Variants in CIB4 observed in about 807,000 individuals in gnomAD.
The protein encoded by CIB4 is calcium and integrin-binding family member 4.
A neutral mutation model predicts 25.8 loss-of-function variants in CIB4; 25 were observed. The ratio of observed to expected loss-of-function variants is 0.97; its 90% confidence interval spans 0.71 to 1.35. CIB4 has a LOEUF of 1.35. CIB4 is among the 40% of genes most tolerant of loss of function. The pLI is 0.00. For missense variants in CIB4, 235 were observed against 228.2 expected, an observed-to-expected ratio of 1.03 and a Z score of -0.19; for synonymous variants, 75 against 81.4, an observed-to-expected ratio of 0.92 and a Z score of 0.42.
chr2:26,595,151 C>A, intron 4 of CIB4, 25 bp downstream of exon 4: 2 of 1,593,678 alleles, frequency 1.3e-6, no homozygotes, highest in East Asian at 2.3e-5. Context: ...CCACCCCTCA[C>A]CCCTCAGTCC....
intron 6 of CIB4, among the ~76,000 whole-genome samples, chr2:26,582,045 G>A (rs1668355762): frequency 6.6e-6 from 1 of 152,262 alleles, no homozygotes; most frequent in South Asian, 2.1e-4. Context: ...AGGGGCGATG[G>A]GAGGCAGAGA....
chr2:26,623,339 T>A (rs1669240122), intron 3 of CIB4: 1 of 197,922 alleles, frequency 5.1e-6, no homozygotes, highest in Non-Finnish European at 1.1e-5. Flanking sequence ...TGAGACCCTG[T>A]CTCAAAATAA....
chr2:26,639,949 C>A (rs1669604131), intron 2 of CIB4, among the ~76,000 whole-genome samples: 1 of 152,194 alleles, frequency 6.6e-6, no homozygotes, highest in South Asian at 2.1e-4. Flanking sequence ...TCCCCCACAG[C>A]CCCACGAGAA....
At chr2:26,592,933 C>T (rs373692126) in intron 4 of CIB4, among the ~76,000 whole-genome samples, 37 of 152,234 alleles carry the variant, frequency 2.4e-4, no homozygotes, top group African/African-American at 8.2e-4. Flanking sequence ...TAAGGTTGCC[C>T]GGATAGCTGG....
At chr2:26,592,242 G>C (rs962133821) in intron 4 of CIB4, among the ~76,000 whole-genome samples, 17 of 152,248 alleles carry the variant, frequency 1.1e-4, no homozygotes, top group African/African-American at 4.1e-4. Flanking sequence ...AGCGACCCCA[G>C]CCAGAGAGCA....
At chr2:26,635,004 C>G (rs935175) in intron 2 of CIB4, among the ~76,000 whole-genome samples, 1 of 152,130 alleles carries the variant, frequency 6.6e-6, no homozygotes, top group Non-Finnish European at 1.5e-5. Flanking sequence ...CACATGGGCC[C>G]TCTTTGGGTC....
intron 2 of CIB4, among the ~76,000 whole-genome samples, chr2:26,636,276 T>C (rs1669531409): frequency 6.6e-6 from 1 of 152,234 alleles, no homozygotes; most frequent in Admixed American, 6.5e-5. Context: ...TCAAGCTGAG[T>C]TCCCTAGTGC....
At chr2:26,625,826 C>T (rs1004644448) in intron 3 of CIB4, among the ~76,000 whole-genome samples, 45 of 152,232 alleles carry the variant, frequency 3.0e-4, no homozygotes, top group African/African-American at 9.2e-4. Context: ...ATGCCCTAAA[C>T]GGCATTGACT....
At chr2:26,583,382 T>C (rs1668389254) in intron 5 of CIB4, among the ~76,000 whole-genome samples, 1 of 152,186 alleles carries the variant, frequency 6.6e-6, no homozygotes, top group Admixed American at 6.5e-5. Context: ...CCAGGACACC[T>C]GGGCACTGTG....
intron 3 of CIB4, among the ~76,000 whole-genome samples, chr2:26,607,688 C>G (rs1476662907): frequency 1.3e-5 from 2 of 152,334 alleles, no homozygotes; most frequent in Middle Eastern, 6.8e-3. Context: ...TGAATAACCC[C>G]CACCCCACTT....
intron 4 of CIB4, 109 bp from the exon 5 acceptor site, chr2:26,584,007 A>G (rs1668403721): frequency 1.0e-5 from 7 of 695,182 alleles, no homozygotes; most frequent in Admixed American, 7.1e-5. Context: ...ACAGATGCCC[A>G]TTAGCCTCTG....
At chr2:26,635,422 G>C (rs894285486) in intron 2 of CIB4, among the ~76,000 whole-genome samples, 1 of 152,194 alleles carries the variant, frequency 6.6e-6, no homozygotes, top group Non-Finnish European at 1.5e-5. Context: ...CCCTGCAAAG[G>C]TTACTTCTAC....
chr2:26,600,088 GAT>G (rs1373364849), intron 3 of CIB4, among the ~76,000 whole-genome samples: 2 of 91,970 alleles, frequency 2.2e-5, no homozygotes, highest in Non-Finnish European at 4.3e-5. Context: ...AAAAAAAAAA[GAT>G]ATGATTAATG....
intron 4 of CIB4, among the ~76,000 whole-genome samples, chr2:26,590,267 A>AAAAAAAAAAAAAAAAAAAC (rs1668561535): frequency 6.6e-6 from 1 of 150,664 alleles, no homozygotes; most frequent in Admixed American, 6.6e-5. Flanking sequence ...GTAAAAAAAA[A>AAAAAAAAAAAAAAAAAAAC]AAAAAAAAAA....
At position 26,627,244 on chromosome 2, in the gene CIB4, G is replaced by C. The variant is rs534781318; in HGVS notation, c.186+2166C>G. Among the ~76,000 whole-genome samples the C allele has an allele frequency of 7.4e-4, 113 of 152,324 alleles. No homozygotes were observed. The highest frequency in any genetic ancestry group is 2.6e-3 in the African/African-American group (109 of 41,580). On this transcript the variant is annotated intron_variant, in intron 3 of 6. Transcript: ENST00000288861. The surrounding 1 kb of genome is among the most constrained non-coding windows in gnomAD (Gnocchi z 4.0). ...AGCCTTGATTAGAATAGGAGGCTCT[G>C]CCTGGGCCAGAGTTCAAGCTGACTC...
chr2:26,589,033 T>C (rs867160709), intron 4 of CIB4, among the ~76,000 whole-genome samples: 40 of 40,522 alleles, frequency 9.9e-4, no homozygotes, highest in African/African-American at 4.0e-3. Context: ...CTTCTTCTTC[T>C]TCTTCTTCTT....
intron 3 of CIB4, among the ~76,000 whole-genome samples, chr2:26,621,607 T>C (rs1430769964): frequency 6.6e-6 from 1 of 152,180 alleles, no homozygotes; most frequent in Non-Finnish European, 1.5e-5. Flanking sequence ...GATATGTAAG[T>C]TGTAAAAACA....
At chr2:26,625,223 G>A (rs1234235743) in intron 3 of CIB4, among the ~76,000 whole-genome samples, 1 of 152,168 alleles carries the variant, frequency 6.6e-6, no homozygotes, top group Non-Finnish European at 1.5e-5. Flanking sequence ...GACAGAAAGC[G>A]CATTCCCTCT....
intron 3 of CIB4, among the ~76,000 whole-genome samples, chr2:26,615,635 G>A (rs1488073697): frequency 5.9e-5 from 9 of 152,210 alleles, no homozygotes; most frequent in Admixed American, 5.9e-4. Context: ...ACCTGTGGGA[G>A]GTGCTATCAC....
Sources: gnomAD v4.1 joint callset for allele counts (sites outside exome capture counted in the v4.1 genomes callset) on GRCh38, gnomAD v4.1.1 for gene constraint, Gnocchi (gnomAD v3.1) non-coding constraint, MANE v1.5 for transcripts, NCBI Gene and HGNC (gene_info 2026-07-23, HGNC 2026-07-21) for gene names.